Variants in XKR4 observed in about 807,000 individuals in gnomAD.
The protein encoded by XKR4 is XK related 4, also known as XK-related protein 4.
Under a neutral mutation model 53.9 loss-of-function variants are expected in XKR4, and 12 were observed. That is an observed-to-expected ratio of 0.22 (90% CI 0.14 to 0.36). The LOEUF (loss-of-function observed/expected upper bound fraction) is 0.36. Ranked by LOEUF, XKR4 falls within the 10% of genes least tolerant of loss-of-function variation. XKR4 has a pLI of 1.00. For missense variants in XKR4, 799 were observed against 859.5 expected (o/e 0.93, Z 0.88); for synonymous variants, 354 against 362.4 (o/e 0.98, Z 0.26).
intron 2 of XKR4, among the ~76,000 whole-genome samples, chr8:55,497,480 A>T (rs958920968): frequency 9.2e-5 from 14 of 152,202 alleles, no homozygotes; most frequent in African/African-American, 3.4e-4. Flanking sequence ...TTGCTTTATT[A>T]ACTTATTTAC....
At chr8:55,223,909 A>G (rs1817919554) in intron 1 of XKR4, among the ~76,000 whole-genome samples, 1 of 152,168 alleles carries the variant, frequency 6.6e-6, no homozygotes, top group African/African-American at 2.4e-5. Context: ...AGCAGAAAGA[A>G]TAGACCTAGT....
chr8:55,289,540 AGAAGGAAGGAAGGAAG>A lies in XKR4; in HGVS notation c.807-68123_807-68108del, dbSNP rs142907908. Among the ~76,000 whole-genome samples the A allele has an allele frequency of 7.3e-4, 75 of 102,632 alleles. No homozygotes were observed. The East Asian group carries it at 0.013, about 18-fold the overall frequency. The allele number at this position is 102,632 out of a possible 152,430, so 67.3% of individuals were successfully genotyped here. ...AAAAAAAAAAAAAGAAAAGAAAGAA[AGAAGGAAGGAAGGAAG>A]GAAGGAAGGAAGGAGAGAGAAAGGA... On this transcript the variant is annotated intron_variant, in intron 1 of 2. Transcript: ENST00000327381.
At position 55,526,215 on chromosome 8, in the gene XKR4, G is replaced by A. The variant is rs1489981510; in HGVS notation, c.*1988G>A. ...ATTTGGATCTAATTCACACAAAGTA[G>A]TCCAGTTCTCTAGCCACCACCTGTA... On this transcript the variant is annotated 3_prime_UTR_variant, in exon 3 of 3. Transcript: ENST00000327381. 1.3e-5 allele frequency: 2 copies of A among 152,300 alleles called. No homozygotes were observed. The highest frequency in any genetic ancestry group is 2.9e-5 in the Non-Finnish European group (2 of 68,036). 9.4% of individuals were successfully genotyped at this position (152,300 alleles called of 1,614,324 possible). A position where few individuals can be genotyped will look rare whatever the true frequency, so the allele number is the denominator to read the frequency against.
intron 1 of XKR4, among the ~76,000 whole-genome samples, chr8:55,308,638 C>T (rs969153132): frequency 3.3e-5 from 5 of 151,778 alleles, no homozygotes; most frequent in Non-Finnish European, 7.4e-5. Flanking sequence ...TACAATCTAA[C>T]AATCTGAATC....
intron 1 of XKR4, among the ~76,000 whole-genome samples, chr8:55,318,764 C>T (rs1045660417): frequency 6.6e-6 from 1 of 152,124 alleles, no homozygotes; most frequent in African/African-American, 2.4e-5. Context: ...CATACCTGCC[C>T]CCATCAGGCA....
At chr8:55,377,994 A>G (rs1218914879) in intron 2 of XKR4, among the ~76,000 whole-genome samples, 1 of 152,246 alleles carries the variant, frequency 6.6e-6, no homozygotes, top group Non-Finnish European at 1.5e-5. Context: ...ACCTGTTGCC[A>G]TAGTACCAAT....
chr8:55,179,292 C>T (rs1817277291), intron 1 of XKR4, among the ~76,000 whole-genome samples: 1 of 127,490 alleles, frequency 7.8e-6, no homozygotes, highest in African/African-American at 4.7e-5. Context: ...GACAACATTC[C>T]ACCTATTCAT....
intron 1 of XKR4, among the ~76,000 whole-genome samples, chr8:55,323,670 G>T (rs1233522066): frequency 6.6e-6 from 1 of 152,208 alleles, no homozygotes; most frequent in Non-Finnish European, 1.5e-5. Context: ...GTGCAGGTTT[G>T]TATATAATTC....
Position 55,321,599 on chromosome 8 carries a change from A to C in XKR4, c.807-36079A>C, listed in dbSNP as rs1183576204. Among the ~76,000 whole-genome samples, 7 of 152,320 alleles carry C rather than the reference A, an allele frequency of 4.6e-5. No homozygotes were observed. In the East Asian group the frequency reaches 1.4e-3, roughly 29 times the overall value. ...ACTCATCCTTCCCTACCTACTCATT[A>C]GAATTTTTACCTTAAATGGTGGATA... is the stretch of plus-strand genomic sequence containing the variant. On this transcript the variant is annotated intron_variant, in intron 1 of 2. Coordinates refer to ENST00000327381, the MANE Select transcript of XKR4 (RefSeq NM_052898.2).
In XKR4 at chr8:55,102,973, T is replaced by A. The variant is rs1336433833; in HGVS notation, c.485T>A (p.Phe162Tyr). 1.2e-6 allele frequency: 2 copies of A among 1,611,648 alleles called. No homozygotes were observed. The highest frequency in any genetic ancestry group is 1.6e-4 in the Middle Eastern group (1 of 6,078). ...VVLGSLSVQV[F>Y]SFRWFVHDFS... Reference sequence around the variant, plus strand: ...CTCGGCTCTCTGTCGGTGCAAGTGTTCAGCTTCCGCTGGTTTGTGCACGAT... The same window carrying A: ...CTCGGCTCTCTGTCGGTGCAAGTGTACAGCTTCCGCTGGTTTGTGCACGAT... The change falls in exon 1 of 3, where the codon TTC becomes TAC. Residue 162 changes from phenylalanine to tyrosine, a missense_variant. This residue lies in a region of XKR4 where 476 missense variants were observed against 505.4 expected (regional missense o/e 0.94). Transcript: ENST00000327381. The surrounding 1 kb of genome is among the most constrained non-coding windows in gnomAD (Gnocchi z 5.1).
At chr8:55,221,631 C>T (rs1817882933) in intron 1 of XKR4, among the ~76,000 whole-genome samples, 1 of 152,164 alleles carries the variant, frequency 6.6e-6, no homozygotes, top group Non-Finnish European at 1.5e-5. Flanking sequence ...TTTGGCTGAG[C>T]TCAGGAAGTT....
At chr8:55,438,447 G>T (rs769069811) in intron 2 of XKR4, among the ~76,000 whole-genome samples, 1 of 151,788 alleles carries the variant, frequency 6.6e-6, no homozygotes, top group African/African-American at 2.4e-5. Flanking sequence ...AAAATGAGCC[G>T]GGCGTGGTGG....
Position 55,110,528 on chromosome 8 carries a change from G to A in XKR4, c.806+7234G>A, listed in dbSNP as rs117053032. On this transcript the variant is annotated intron_variant, in intron 1 of 2. Coordinates refer to ENST00000327381, the MANE Select transcript of XKR4 (RefSeq NM_052898.2). Reference sequence around the variant, plus strand: ...GGCTTCTCTGAGATTCTAATGGTGTGGTGAATCAGAAAAGGTGCAATGTCA... The same window carrying A: ...GGCTTCTCTGAGATTCTAATGGTGTAGTGAATCAGAAAAGGTGCAATGTCA... Among the ~76,000 whole-genome samples, 51 of 152,236 alleles carry A rather than the reference G, an allele frequency of 3.4e-4. No individual in the cohort carries two copies. The East Asian group carries it at 5.2e-3, about 16-fold the overall frequency.
chr8:55,156,836 T>C (rs1816914393), intron 1 of XKR4, among the ~76,000 whole-genome samples: 1 of 152,226 alleles, frequency 6.6e-6, no homozygotes, highest in Non-Finnish European at 1.5e-5. Context: ...GGTTCACCTG[T>C]AGGAAGATTA....
intron 1 of XKR4, among the ~76,000 whole-genome samples, chr8:55,284,942 G>A (rs985082055): frequency 6.6e-6 from 1 of 152,198 alleles, no homozygotes; most frequent in Non-Finnish European, 1.5e-5. Context: ...CCCTCTGCCA[G>A]TAATTCAAAT....
At chr8:55,475,645 C>A (rs1350146226) in intron 2 of XKR4, among the ~76,000 whole-genome samples, 5 of 151,652 alleles carry the variant, frequency 3.3e-5, no homozygotes, top group Non-Finnish European at 5.9e-5. Context: ...ACTCTGTTAT[C>A]TAGGCTGGAG....
intron 1 of XKR4, among the ~76,000 whole-genome samples, chr8:55,321,233 T>C (rs1286062935): frequency 6.6e-6 from 1 of 152,194 alleles, no homozygotes; most frequent in African/African-American, 2.4e-5. Context: ...TTCTTTGTCA[T>C]TAGTTTCAAC....
chr8:55,258,845 C>T (rs946999148), intron 1 of XKR4, among the ~76,000 whole-genome samples: 4 of 152,118 alleles, frequency 2.6e-5, no homozygotes, highest in Non-Finnish European at 1.5e-5. Flanking sequence ...GACCTGTGGC[C>T]CCAGAAAGAG....
intron 1 of XKR4, among the ~76,000 whole-genome samples, chr8:55,251,928 T>C (rs4737976): frequency 1 from 151,783 of 152,364 alleles, 75,603 homozygotes; most frequent in East Asian, 1. Context: ...TGCATTTGTT[T>C]TATTTGTCAT....
Sources: gnomAD v4.1 joint callset for allele counts (sites outside exome capture counted in the v4.1 genomes callset) on GRCh38, gnomAD v4.1.1 for gene constraint, gnomAD v4.1.1 regional missense constraint, Gnocchi (gnomAD v3.1) non-coding constraint, MANE v1.5 for transcripts, NCBI Gene and HGNC (gene_info 2026-07-23, HGNC 2026-07-21) for gene names.